TOPAZ1: variants seen among roughly 807,000 people sequenced by gnomAD.
The protein encoded by TOPAZ1 is protein TOPAZ1.
In TOPAZ1, 66 loss-of-function variants were observed where a neutral mutation model predicts 172.2. The observed-to-expected ratio is 0.38, with a 90% confidence interval of 0.31 to 0.47. The LOEUF (loss-of-function observed/expected upper bound fraction) is 0.47, where lower values mean the gene tolerates loss of function less well. Ranked by LOEUF, TOPAZ1 falls within the 20% of genes least tolerant of loss-of-function variation. The pLI, the probability that TOPAZ1 is intolerant of heterozygous loss-of-function variation, is 0.99. For synonymous variants in TOPAZ1, 681 were observed against 683.9 expected (o/e 1.00, Z 0.07); for missense variants, 1,822 against 1,972.4 (o/e 0.92, Z 1.44).
At position 44,242,012 on chromosome 3, in the gene TOPAZ1, G is replaced by A. The variant is rs1208663177; in HGVS notation, c.-42G>A. The A allele has an allele frequency of 6.6e-7, 1 of 1,521,392 alleles. No individual in the cohort carries two copies. Among genetic ancestry groups the A allele is most frequent in the Non-Finnish European group, 8.8e-7 (1 of 1,135,160 alleles). The allele number at this position is 1,521,392 out of a possible 1,614,324, so 94.2% of individuals were successfully genotyped here. The stretch of plus-strand genomic sequence containing the variant: ...CGTTTGCACCGCGGTGGGTTCCTGC[G>A]AGCTGGTGCAGAGGGGCCCCAGCGG... On this transcript the variant is annotated 5_prime_UTR_variant, in exon 1 of 20. Transcript: ENST00000309765.
chr3:44,332,991 T>G (rs1168157459), downstream of TOPAZ1, among the ~76,000 whole-genome samples: 3 of 149,602 alleles, frequency 2.0e-5, no homozygotes, highest in Non-Finnish European at 4.5e-5. Flanking sequence ...GTTTTTTTTG[T>G]GGTTTTTTTT....
At chr3:44,273,122 A>G (rs1266437610) in intron 8 of TOPAZ1, among the ~76,000 whole-genome samples, 1 of 152,240 alleles carries the variant, frequency 6.6e-6, no homozygotes, top group East Asian at 1.9e-4. Flanking sequence ...CATTCAGTCT[A>G]TAAGAAATCC....
intron 13 of TOPAZ1, 32 bp downstream of exon 13, chr3:44,304,113 G>A (rs1351166332): frequency 1.6e-6 from 2 of 1,283,548 alleles, no homozygotes; most frequent in African/African-American, 1.5e-5. Flanking sequence ...ATACATTGCT[G>A]GGATCTCTGA....
chr3:44,279,814 GTTA>G (rs892267386), intron 8 of TOPAZ1, among the ~76,000 whole-genome samples: 3 of 151,984 alleles, frequency 2.0e-5, no homozygotes, highest in Non-Finnish European at 4.4e-5. Flanking sequence ...TACATTCAAG[GTTA>G]TTATTGATGT....
intron 5 of TOPAZ1, among the ~76,000 whole-genome samples, chr3:44,265,814 T>G (rs1699823994): frequency 6.6e-6 from 1 of 152,184 alleles, no homozygotes; most frequent in Non-Finnish European, 1.5e-5. Flanking sequence ...CTAGGATTTT[T>G]GGAATGGTTA....
intron 8 of TOPAZ1, among the ~76,000 whole-genome samples, chr3:44,280,842 T>G (rs1003520268): frequency 5.9e-5 from 9 of 152,222 alleles, no homozygotes; most frequent in Non-Finnish European, 1.3e-4. Context: ...CCAGGGATTT[T>G]CCATTGGGCC....
At chr3:44,281,025 A>G (rs1700017694) in intron 8 of TOPAZ1, among the ~76,000 whole-genome samples, 1 of 152,106 alleles carries the variant, frequency 6.6e-6, no homozygotes, top group Non-Finnish European at 1.5e-5. Flanking sequence ...TAGTCTCAGG[A>G]CCCACAAGGG....
At chr3:44,305,955 A>C (rs908679620) in intron 14 of TOPAZ1, among the ~76,000 whole-genome samples, 9 of 152,166 alleles carry the variant, frequency 5.9e-5, no homozygotes, top group African/African-American at 2.2e-4. Context: ...GAATTATTTA[A>C]GTTGTTACTC....
At chr3:44,313,214 G>A (rs1700414278) in intron 16 of TOPAZ1, among the ~76,000 whole-genome samples, 1 of 152,086 alleles carries the variant, frequency 6.6e-6, no homozygotes, top group Non-Finnish European at 1.5e-5. Context: ...GATAAATTCT[G>A]ATGGAATTGC....
intron 11 of TOPAZ1, among the ~76,000 whole-genome samples, chr3:44,289,370 G>C (rs184711254): frequency 6.6e-6 from 1 of 152,124 alleles, no homozygotes. Context: ...GAGAGGAGCT[G>C]TTTTCCTCTT....
intron 2 of TOPAZ1, among the ~76,000 whole-genome samples, chr3:44,247,764 C>T (rs527298732): frequency 1.1e-3 from 171 of 152,248 alleles, no homozygotes; most frequent in African/African-American, 4.0e-3. Flanking sequence ...ATTCTCCTGC[C>T]CTGGCCTCCT....
intron 2 of TOPAZ1, 126 bp from the exon 3 acceptor site, chr3:44,254,842 C>A: frequency 1.7e-6 from 1 of 592,098 alleles, no homozygotes; most frequent in Non-Finnish European, 2.9e-6. Context: ...ATAGTAAGTA[C>A]TCTGCCCTGG....
At chr3:44,298,079 C>T (rs1452979019) in intron 12 of TOPAZ1, among the ~76,000 whole-genome samples, 1 of 152,166 alleles carries the variant, frequency 6.6e-6, no homozygotes, top group African/African-American at 2.4e-5. Context: ...CTATCAGAAT[C>T]CCTCTGGCAA....
intron 8 of TOPAZ1, among the ~76,000 whole-genome samples, chr3:44,279,689 T>G (rs1700001204): frequency 6.6e-6 from 1 of 152,176 alleles, no homozygotes; most frequent in Non-Finnish European, 1.5e-5. Flanking sequence ...TTACTTTCAA[T>G]CTATATGTGT....
intron 12 of TOPAZ1, among the ~76,000 whole-genome samples, chr3:44,301,418 A>G (rs1463168207): frequency 6.6e-6 from 1 of 152,210 alleles, no homozygotes; most frequent in Non-Finnish European, 1.5e-5. Context: ...ACTTTTAAAG[A>G]TAAGTATATA....
chr3:44,281,026 C>T (rs1205801668), intron 8 of TOPAZ1, among the ~76,000 whole-genome samples: 1 of 152,170 alleles, frequency 6.6e-6, no homozygotes, highest in African/African-American at 2.4e-5. Context: ...AGTCTCAGGA[C>T]CCACAAGGGC....
intron 1 of TOPAZ1, 88 bp downstream of exon 1, chr3:44,242,487 C>T (rs1468240769): frequency 2.2e-6 from 3 of 1,336,260 alleles, no homozygotes; most frequent in Non-Finnish European, 2.1e-6. Context: ...TAACTTGAAC[C>T]TGCATGGTTA....
At chr3:44,309,589 G>C (rs6788890) in intron 15 of TOPAZ1, among the ~76,000 whole-genome samples, 72,251 of 151,972 alleles carry the variant, frequency 0.48, 18,092 homozygotes, top group East Asian at 0.8. Flanking sequence ...AGGGGGTCTG[G>C]TGGTATTGGT....
chr3:44,307,283 A>C (rs571338831), intron 15 of TOPAZ1, among the ~76,000 whole-genome samples: 27 of 152,190 alleles, frequency 1.8e-4, no homozygotes, highest in Middle Eastern at 6.8e-3. Flanking sequence ...CAGCCTCCCA[A>C]AGTGCTGGGA....
Sources: gnomAD v4.1 joint callset for allele counts (sites outside exome capture counted in the v4.1 genomes callset) on GRCh38, gnomAD v4.1.1 for gene constraint, MANE v1.5 for transcripts, NCBI Gene and HGNC (gene_info 2026-07-23, HGNC 2026-07-21) for gene names.